Variants in KCNMA1 observed in about 807,000 individuals in gnomAD.
KCNMA1 encodes potassium calcium-activated channel subfamily M alpha 1, also known as Calcium-activated potassium channel subunit alpha-1.
A neutral mutation model predicts 140.0 loss-of-function variants in KCNMA1; 29 were observed. The ratio of observed to expected loss-of-function variants is 0.21; its 90% CI spans 0.15 to 0.28. KCNMA1 has a LOEUF of 0.28. KCNMA1 is among the 10% of genes least tolerant of loss of function. The probability of loss-of-function intolerance (pLI) is 1.00; values close to 1 mark genes in which losing one functional copy is unlikely to be tolerated. For synonymous variants in KCNMA1, 612 were observed against 611.9 expected, an observed-to-expected ratio of 1.00 and a Z score of 0.00; for missense variants, 880 against 1,602.2, an observed-to-expected ratio of 0.55 and a Z score of 7.70.
intron 14 of KCNMA1, among the ~76,000 whole-genome samples, chr10:77,055,785 C>T (rs1565816219): frequency 6.6e-6 from 1 of 152,116 alleles, no homozygotes; most frequent in Non-Finnish European, 1.5e-5. Flanking sequence ...GCCCTTCCAT[C>T]AAAAGATCAA....
At chr10:77,422,812 C>T (rs915640981) in intron 1 of KCNMA1, among the ~76,000 whole-genome samples, 11 of 152,128 alleles carry the variant, frequency 7.2e-5, no homozygotes, top group African/African-American at 2.7e-4. Context: ...TGCCAGCCAC[C>T]AGCAGAAACA....
At position 77,273,417 on chromosome 10, in the gene KCNMA1, A is replaced by G. The variant is rs201662826; in HGVS notation, c.541-22161T>C. Among the ~76,000 whole-genome samples, 49 of 152,348 alleles carry G rather than the reference A, an allele frequency of 3.2e-4. No individual in the cohort carries two copies. In the East Asian group the frequency reaches 8.7e-3, roughly 27 times the overall value. On this transcript the variant is annotated intron_variant, in intron 2 of 27. Coordinates refer to ENST00000286628, the MANE Select transcript of KCNMA1 (RefSeq NM_001161352.2). Reference sequence around the variant, plus strand: ...GAAGTACTTATTACATTACATGAAGAGCTTATTATGATAAGCTATTATACT... The same window carrying G: ...GAAGTACTTATTACATTACATGAAGGGCTTATTATGATAAGCTATTATACT...
At chr10:77,153,844 G>C (rs559750038) in intron 5 of KCNMA1, among the ~76,000 whole-genome samples, 7 of 152,272 alleles carry the variant, frequency 4.6e-5, no homozygotes, top group African/African-American at 1.2e-4. Flanking sequence ...ACCAAGTCCT[G>C]CTTCTCTCAG....
At chr10:77,037,617 T>C (rs897306508) in intron 15 of KCNMA1, among the ~76,000 whole-genome samples, 16 of 152,050 alleles carry the variant, frequency 1.1e-4, no homozygotes, top group African/African-American at 3.1e-4. Context: ...GCACTCTTGT[T>C]AGATACAAAC....
intron 19 of KCNMA1, among the ~76,000 whole-genome samples, chr10:76,992,447 G>T (rs188360490): frequency 6.6e-6 from 1 of 152,300 alleles, no homozygotes; most frequent in East Asian, 1.9e-4. Context: ...TGGGAAAAAG[G>T]TCAGCTGGGG....
chr10:76,941,018 G>GA (rs2061877247), intron 23 of KCNMA1, among the ~76,000 whole-genome samples: 6 of 38,236 alleles, frequency 1.6e-4, no homozygotes, highest in East Asian at 1.7e-3. Flanking sequence ...AGGAAGGAAG[G>GA]AAGAAAGAAA....
intron 1 of KCNMA1, among the ~76,000 whole-genome samples, chr10:77,551,402 C>T (rs1038468278): frequency 1.3e-5 from 2 of 151,864 alleles, no homozygotes; most frequent in Admixed American, 1.3e-4. Context: ...AAATGTATAC[C>T]CAGCAAAAAT....
chr10:76,931,973 G>C (rs906490599), intron 23 of KCNMA1, among the ~76,000 whole-genome samples: 1 of 152,098 alleles, frequency 6.6e-6, no homozygotes, highest in Non-Finnish European at 1.5e-5. Flanking sequence ...GGAGTAGGAG[G>C]GGATGAAATA....
At position 77,302,827 on chromosome 10, in the gene KCNMA1, G is replaced by T. The variant is rs531243229; in HGVS notation, c.541-51571C>A. Reference sequence around the variant, plus strand: ...GGTGGGTATAGGTGAAGAGGTGGGGGTTAATCAGAGGAAAGCATGCCAAAT... The same window carrying T: ...GGTGGGTATAGGTGAAGAGGTGGGGTTTAATCAGAGGAAAGCATGCCAAAT... On this transcript the variant is annotated intron_variant, in intron 2 of 27. Transcript: ENST00000286628. Among the ~76,000 whole-genome samples, 8 of 152,236 alleles carry T rather than the reference G, an allele frequency of 5.3e-5. No homozygotes were observed. The South Asian group carries it at 1.7e-3, about 32-fold the overall frequency.
chr10:77,405,398 G>C (rs989667393), intron 1 of KCNMA1, among the ~76,000 whole-genome samples: 5 of 152,252 alleles, frequency 3.3e-5, no homozygotes, highest in African/African-American at 1.2e-4. Flanking sequence ...GTCTGGGACA[G>C]AGTTGGCTCA....
intron 23 of KCNMA1, 92 bp downstream of exon 23, chr10:76,944,681 G>T: frequency 1.6e-6 from 2 of 1,213,266 alleles, no homozygotes; most frequent in Non-Finnish European, 1.2e-6. Flanking sequence ...AGGCTGATGT[G>T]AGCCTCTTTG....
intron 1 of KCNMA1, among the ~76,000 whole-genome samples, chr10:77,423,881 T>C (rs758620455): frequency 6.6e-6 from 1 of 152,216 alleles, no homozygotes; most frequent in Non-Finnish European, 1.5e-5. Context: ...ATTCCTTCTC[T>C]CTTCCCTCCC....
At chr10:77,206,823 G>A (rs887139788) in intron 3 of KCNMA1, among the ~76,000 whole-genome samples, 1 of 145,008 alleles carries the variant, frequency 6.9e-6, no homozygotes, top group Non-Finnish European at 1.5e-5. Context: ...GGGAGGGGGG[G>A]GCGGGTCTTA....
rs199995458 is a variant in KCNMA1 at position 76,886,887 on chromosome 10, T to C, written c.*379A>G. 712 of 1,124,966 alleles carry C rather than the reference T, an allele frequency of 6.3e-4. 1 individual carries two copies. Among genetic ancestry groups the C allele is most frequent in the Non-Finnish European group, 7.3e-4 (667 of 912,332 alleles). 69.7% of individuals were successfully genotyped at this position (1,124,966 alleles called of 1,614,324 possible). On this transcript the variant is annotated 3_prime_UTR_variant, in exon 28 of 28. Transcript: ENST00000286628. The stretch of plus-strand genomic sequence containing the variant: ...AAAACCCAAAGCACCCTGATAATCC[T>C]GATAAATCAGAATCAACTTTTCTTT...
At chr10:76,906,766 G>A (rs2047993594) in intron 25 of KCNMA1, among the ~76,000 whole-genome samples, 1 of 151,856 alleles carries the variant, frequency 6.6e-6, no homozygotes, top group Non-Finnish European at 1.5e-5. Context: ...TACTGCCTTG[G>A]CACTTGACTA....
At chr10:77,174,554 C>A (rs2098736649) in intron 5 of KCNMA1, among the ~76,000 whole-genome samples, 1 of 152,174 alleles carries the variant, frequency 6.6e-6, no homozygotes, top group Non-Finnish European at 1.5e-5. Flanking sequence ...GATGGAGGAA[C>A]TGAGCTTTTA....
At chr10:77,419,323 C>G (rs965201780) in intron 1 of KCNMA1, among the ~76,000 whole-genome samples, 6 of 152,202 alleles carry the variant, frequency 3.9e-5, no homozygotes, top group Admixed American at 3.9e-4. Flanking sequence ...CCCCACGTCT[C>G]CATAACAACT....
At chr10:77,511,556 G>C (rs1420563419) in intron 1 of KCNMA1, among the ~76,000 whole-genome samples, 2 of 152,176 alleles carry the variant, frequency 1.3e-5, no homozygotes, top group African/African-American at 4.8e-5. Flanking sequence ...CTCTAAGGGA[G>C]AGAAAATCAT....
At chr10:76,918,374 T>C (rs1056360164) in intron 23 of KCNMA1, among the ~76,000 whole-genome samples, 3 of 152,364 alleles carry the variant, frequency 2.0e-5, no homozygotes, top group Admixed American at 2.0e-4. Flanking sequence ...CAGCCAAAGC[T>C]ATCACCAGAT....
Sources: gnomAD v4.1 joint callset for allele counts (sites outside exome capture counted in the v4.1 genomes callset) on GRCh38, gnomAD v4.1.1 for gene constraint, MANE v1.5 for transcripts, NCBI Gene and HGNC (gene_info 2026-07-23, HGNC 2026-07-21) for gene names.